WWC1: variants seen among roughly 807,000 people sequenced by gnomAD.
WWC1 encodes WW and C2 domain containing 1, also known as protein KIBRA.
WWC1 carries 55 observed loss-of-function variants against 138.4 expected under a neutral mutation model. The observed-to-expected ratio is 0.40, with a 90% CI of 0.32 to 0.50. The LOEUF (loss-of-function observed/expected upper bound fraction) is 0.50. Among genes scored for constraint, WWC1 ranks in the 20% least tolerant of loss-of-function variants. The probability of loss-of-function intolerance (pLI) is 0.72; values close to 1 mark genes in which losing one functional copy is unlikely to be tolerated. For missense variants in WWC1, 1,226 were observed against 1,420.4 expected, an observed-to-expected ratio of 0.86 and a Z score of 2.20; for synonymous variants, 524 against 564.9, an observed-to-expected ratio of 0.93 and a Z score of 1.03.
intron 1 of WWC1, among the ~76,000 whole-genome samples, chr5:168,364,636 T>A (rs951381767): frequency 3.9e-5 from 6 of 152,188 alleles, no homozygotes; most frequent in Non-Finnish European, 7.3e-5. Context: ...ACTTGATAAA[T>A]GCTTGTTGCT....
chr5:168,467,383 T>G (rs994570737), intron 21 of WWC1, among the ~76,000 whole-genome samples: 4 of 152,224 alleles, frequency 2.6e-5, no homozygotes, highest in Admixed American at 6.5e-5. Context: ...AGTGTTTACA[T>G]ACGTTTACAT....
intron 1 of WWC1, among the ~76,000 whole-genome samples, chr5:168,339,985 TTCTCTC>T (rs1206395805): frequency 1.3e-4 from 13 of 96,392 alleles, no homozygotes; most frequent in South Asian, 3.6e-4. Flanking sequence ...CTTTCTCTCT[TTCTCTC>T]TCTCTCTTTC....
chr5:168,375,053 C>G (rs773491970), intron 2 of WWC1, among the ~76,000 whole-genome samples: 27 of 152,286 alleles, frequency 1.8e-4, no homozygotes, highest in African/African-American at 6.0e-4. Flanking sequence ...TCAAGACTTA[C>G]ATGTCTATTA....
intron 4 of WWC1, 56 bp downstream of exon 4, chr5:168,397,856 GCCACAAGCCCAC>G: frequency 6.3e-7 from 1 of 1,592,738 alleles, no homozygotes; most frequent in Non-Finnish European, 8.6e-7. Flanking sequence ...GAGGTCTTAG[GCCACAAGCCCAC>G]CCACAAGACC....
chr5:168,433,661 C>T (rs564912419), intron 15 of WWC1, among the ~76,000 whole-genome samples: 1 of 152,288 alleles, frequency 6.6e-6, no homozygotes, highest in East Asian at 1.9e-4. Flanking sequence ...CCTTAGACTC[C>T]AGAGTAGCTG....
At chr5:168,457,959 G>T (rs188914349) in intron 19 of WWC1, among the ~76,000 whole-genome samples, 1 of 152,230 alleles carries the variant, frequency 6.6e-6, no homozygotes, top group Non-Finnish European at 1.5e-5. Context: ...ACCAGGTTGT[G>T]ATTCAAGGCC....
intron 9 of WWC1, among the ~76,000 whole-genome samples, chr5:168,417,517 C>T (rs374146365): frequency 3.5e-4 from 53 of 152,266 alleles, no homozygotes; most frequent in African/African-American, 1.3e-3. Flanking sequence ...GAGGCTCACC[C>T]GAGATCCCTA....
Position 168,373,719 on chromosome 5 carries a change from T to TAAAA in WWC1, c.229+2218_229+2221dup, listed in dbSNP as rs368930085. ...GGCAACATAGCAAGGCCTTGTCTCT[T>TAAAA]AAAAAAAAAAAAAAAAAAAAAAAAA... is the stretch of plus-strand genomic sequence containing the variant. On this transcript the variant is annotated intron_variant, in intron 2 of 22. Coordinates refer to ENST00000265293, the MANE Select transcript of WWC1 (RefSeq NM_015238.3). Among the ~76,000 whole-genome samples, 63 of 52,642 alleles carry TAAAA rather than the reference T, an allele frequency of 1.2e-3. 3 individuals carry two copies. Among genetic ancestry groups the TAAAA allele is most frequent in the African/African-American group, 2.1e-3 (25 of 12,142 alleles). The allele number at this position is 52,642 out of a possible 152,430, so 34.5% of individuals were successfully genotyped here. A position where few individuals can be genotyped will look rare whatever the true frequency, so the allele number is the denominator to read the frequency against.
rs1341974933 is a variant in WWC1 at position 168,440,573 on chromosome 5, A to G, written c.2281-1109A>G. Reference sequence around the variant, plus strand: ...TTCTTGTTGCCCAGGCTGGAGTGCAATGGCACGATCTCATCTCACCTGCAA... The same window carrying G: ...TTCTTGTTGCCCAGGCTGGAGTGCAGTGGCACGATCTCATCTCACCTGCAA... On this transcript the variant is annotated intron_variant, in intron 15 of 22. Coordinates refer to ENST00000265293, the MANE Select transcript of WWC1 (RefSeq NM_015238.3). Among the ~76,000 whole-genome samples the G allele has an allele frequency of 3.3e-5, 5 of 152,176 alleles. 1 individual carries two copies. Among genetic ancestry groups the G allele is most frequent in the South Asian group, 4.1e-4 (2 of 4,822 alleles).
rs1230086640 is a variant in WWC1, at chr5:168,291,801, G to C, written c.-352G>C. On this transcript the variant is annotated 5_prime_UTR_variant, in exon 1 of 23. Transcript: ENST00000265293. ...GGCAGCGGCAGCGGCGGCGTGGAGG[G>C]CGCAGCGCGCCGCGCGGCGGAGGAG... 6.6e-6 allele frequency: 1 copy of C among 151,592 alleles called. No individual in the cohort carries two copies. Among genetic ancestry groups the C allele is most frequent in the Non-Finnish European group, 1.5e-5 (1 of 68,128 alleles). 9.4% of individuals were successfully genotyped at this position (151,592 alleles called of 1,614,324 possible).
Position 168,460,727 on chromosome 5 carries a change from C to A in WWC1, c.2901C>A (p.Ser967Arg). Residue 967 changes from serine to arginine, a missense_variant, in exon 20 of 23, where the codon AGC becomes AGA. Ser to Arg is a moderately radical substitution (Grantham distance 110). Around this residue, in one of 3 missense-constraint regions of WWC1, gnomAD observed 206 missense variants for 247.4 expected, o/e 0.83. Coordinates refer to ENST00000265293, the MANE Select transcript of WWC1 (RefSeq NM_015238.3). Reference protein sequence around the residue: ...PFVRNSLERRSVRMKRPSSVK... With the variant: ...PFVRNSLERRRVRMKRPSSVK... ...TTCGAAACTCCCTGGAGCGACGCAG[C>A]GTCCGGATGAAGCGGGTAAGAGAGT... The A allele has an allele frequency of 6.2e-7, 1 of 1,614,174 alleles. No homozygotes were observed. The highest frequency in any genetic ancestry group is 8.5e-7 in the Non-Finnish European group (1 of 1,180,028).
intron 9 of WWC1, among the ~76,000 whole-genome samples, chr5:168,418,655 A>G (rs1035438770): frequency 1.3e-5 from 2 of 151,950 alleles, no homozygotes; most frequent in African/African-American, 4.8e-5. Context: ...CAGACCCCTC[A>G]TCATCCTCTT....
chr5:168,403,071 TTTC>T (rs1309507739), intron 5 of WWC1, among the ~76,000 whole-genome samples: 2 of 92,480 alleles, frequency 2.2e-5, no homozygotes, highest in Admixed American at 1.0e-4. Flanking sequence ...TCTTTCTTTC[TTTC>T]TTTCTTTTCT....
At chr5:168,463,480 A>G (rs1449643899) in intron 20 of WWC1, among the ~76,000 whole-genome samples, 1 of 152,238 alleles carries the variant, frequency 6.6e-6, no homozygotes, top group African/African-American at 2.4e-5. Context: ...GAGCCCAGCC[A>G]GGAAAAGCCC....
intron 1 of WWC1, among the ~76,000 whole-genome samples, chr5:168,359,306 A>T (rs2152798672): frequency 6.6e-6 from 1 of 152,198 alleles, no homozygotes; most frequent in South Asian, 2.1e-4. Context: ...CACCCACCTC[A>T]ACGTCCCCAA....
In WWC1 at chr5:168,408,613, A is replaced by C. The variant is rs780422567; in HGVS notation, c.827A>C (p.Gln276Pro). 6.2e-7 allele frequency: 1 copy of C among 1,614,118 alleles called. No individual in the cohort carries two copies. The highest frequency in any genetic ancestry group is 8.5e-7 in the Non-Finnish European group (1 of 1,180,046). The change falls in exon 7 of 23, where the codon CAG becomes CCG. Residue 276 changes from glutamine (Q) to proline (P), a missense_variant. Around this residue, in one of 3 missense-constraint regions of WWC1, gnomAD observed 1,016 missense variants for 1,153.9 expected, o/e 0.88. Coordinates refer to ENST00000265293, the MANE Select transcript of WWC1 (RefSeq NM_015238.3). The part of the protein sequence containing the change: ...LESSSFPLPK[Q>P]YLDVSSQTDI... ...AGTTCGAGTTTCCCGCTACCGAAAC[A>C]GTACCTGGATGTGAGCTCCCAGACA...
intron 17 of WWC1, 99 bp downstream of exon 17, chr5:168,444,684 A>G: frequency 7.4e-7 from 1 of 1,345,534 alleles, no homozygotes; most frequent in Non-Finnish European, 1.0e-6. Flanking sequence ...GAAGGGTTCC[A>G]CTGGGAAGGC....
At chr5:168,365,985 G>A (rs1776263362) in intron 1 of WWC1, among the ~76,000 whole-genome samples, 1 of 152,194 alleles carries the variant, frequency 6.6e-6, no homozygotes, top group African/African-American at 2.4e-5. Flanking sequence ...ACCCGAGGGT[G>A]GGGGCTGGGA....
intron 1 of WWC1, among the ~76,000 whole-genome samples, chr5:168,314,661 C>G (rs1157863950): frequency 6.6e-6 from 1 of 152,146 alleles, no homozygotes; most frequent in Non-Finnish European, 1.5e-5. Flanking sequence ...GCTGGGACCC[C>G]TAAACATAAA....
Sources: gnomAD v4.1 joint callset for allele counts (sites outside exome capture counted in the v4.1 genomes callset) on GRCh38, gnomAD v4.1.1 for gene constraint, gnomAD v4.1.1 regional missense constraint, MANE v1.5 for transcripts, NCBI Gene and HGNC (gene_info 2026-07-23, HGNC 2026-07-21) for gene names.